CACNA2D3: variants seen among roughly 807,000 people sequenced by gnomAD.
CACNA2D3 encodes the protein calcium voltage-gated channel auxiliary subunit alpha2delta 3.
In CACNA2D3, 60 loss-of-function variants were observed where a neutral mutation model predicts 160.6. That is an observed-to-expected ratio of 0.37 (90% CI 0.30 to 0.46). CACNA2D3 has a LOEUF of 0.46. Among genes scored for constraint, CACNA2D3 ranks in the 20% least tolerant of loss-of-function variants. The pLI is 1.00. For missense variants in CACNA2D3, 1,205 were observed against 1,365.0 expected, an observed-to-expected ratio of 0.88 and a Z score of 1.85; for synonymous variants, 558 against 492.9, an observed-to-expected ratio of 1.13 and a Z score of -1.75.
chr3:54,859,590 A>G lies in CACNA2D3; in HGVS notation c.1627-11949A>G, dbSNP rs527946347. On this transcript the variant is annotated intron_variant, in intron 17 of 37. Transcript: ENST00000474759. ...CCTGCCCCAGTGGCCCCCTCCCTCC[A>G]TTATGTAGCATGATAGGATTGTCCC... is the stretch of plus-strand genomic sequence containing the variant. 7.4e-4 allele frequency among the ~76,000 whole-genome samples: 112 copies of G among 152,156 alleles called. 1 individual carries two copies. Among genetic ancestry groups the G allele is most frequent in the Admixed American group, 3.7e-3 (57 of 15,292 alleles).
intron 2 of CACNA2D3, among the ~76,000 whole-genome samples, chr3:54,301,706 A>C (rs549910179): frequency 6.6e-6 from 1 of 152,140 alleles, no homozygotes; most frequent in East Asian, 1.9e-4. Context: ...TACCCCATGA[A>C]ACACAGCAGG....
At chr3:54,820,172 G>A (rs185347406) in intron 14 of CACNA2D3, among the ~76,000 whole-genome samples, 55 of 152,202 alleles carry the variant, frequency 3.6e-4, no homozygotes, top group Admixed American at 1.8e-3. Context: ...CTGCATTTGC[G>A]CTGTGTTTTT....
At chr3:54,484,015 T>TAG (rs778149202) in intron 4 of CACNA2D3, among the ~76,000 whole-genome samples, 19 of 152,194 alleles carry the variant, frequency 1.2e-4, no homozygotes, top group Non-Finnish European at 2.4e-4. Flanking sequence ...TGTCACCTCC[T>TAG]AGCTGTAGGA....
At chr3:55,050,775 C>A (rs1575452362) in intron 35 of CACNA2D3, among the ~76,000 whole-genome samples, 1 of 130,330 alleles carries the variant, frequency 7.7e-6, no homozygotes, top group South Asian at 2.4e-4. Context: ...TCACATAGTC[C>A]CATATTTCTT....
intron 27 of CACNA2D3, among the ~76,000 whole-genome samples, chr3:54,936,854 T>G (rs1701340964): frequency 6.6e-6 from 1 of 152,172 alleles, no homozygotes; most frequent in African/African-American, 2.4e-5. Flanking sequence ...CTCCTTCATG[T>G]GTTGTCAACA....
intron 4 of CACNA2D3, among the ~76,000 whole-genome samples, chr3:54,440,897 T>G (rs1238026981): frequency 6.6e-6 from 1 of 152,244 alleles, no homozygotes; most frequent in Admixed American, 6.5e-5. Context: ...TGTTGGACAT[T>G]TGGCTTGGTT....
At chr3:54,489,929 A>T (rs745464281) in intron 4 of CACNA2D3, among the ~76,000 whole-genome samples, 1 of 152,118 alleles carries the variant, frequency 6.6e-6, no homozygotes, top group African/African-American at 2.4e-5. Context: ...TTTTTCACAT[A>T]TGAGGAGAAA....
intron 13 of CACNA2D3, among the ~76,000 whole-genome samples, chr3:54,784,862 A>G (rs552604687): frequency 6.6e-6 from 1 of 152,324 alleles, no homozygotes; most frequent in South Asian, 2.1e-4. Flanking sequence ...GCTCTGCTAT[A>G]GTGAAAACCT....
At chr3:54,667,268 G>A (rs1700084290) in intron 11 of CACNA2D3, among the ~76,000 whole-genome samples, 1 of 152,076 alleles carries the variant, frequency 6.6e-6, no homozygotes, top group Admixed American at 6.6e-5. Flanking sequence ...AGGACCTCAG[G>A]ATTAGAAGAA....
chr3:55,027,735 T>A (rs927651330), intron 35 of CACNA2D3, among the ~76,000 whole-genome samples: 3 of 152,322 alleles, frequency 2.0e-5, no homozygotes, highest in Middle Eastern at 3.4e-3. Flanking sequence ...AATTATAGTA[T>A]TTCAGAAATT....
chr3:54,251,741 ATGT>A (rs2107424885), intron 2 of CACNA2D3, among the ~76,000 whole-genome samples: 1 of 152,356 alleles, frequency 6.6e-6, no homozygotes, highest in South Asian at 2.1e-4. Flanking sequence ...ATCTAAATAA[ATGT>A]TGTTACCTTG....
At chr3:55,068,149 GCC>G (rs1704712164) in intron 35 of CACNA2D3, among the ~76,000 whole-genome samples, 1 of 152,228 alleles carries the variant, frequency 6.6e-6, no homozygotes, top group South Asian at 2.1e-4. Context: ...GGTGCCTGCA[GCC>G]AGCACACACT....
intron 4 of CACNA2D3, among the ~76,000 whole-genome samples, chr3:54,463,780 C>T (rs1363619665): frequency 5.9e-5 from 9 of 152,246 alleles, no homozygotes; most frequent in Non-Finnish European, 1.2e-4. Context: ...TCTTCAAAGT[C>T]ATTCTCCATC....
At chr3:54,427,040 C>A (rs1197083014) in intron 4 of CACNA2D3, among the ~76,000 whole-genome samples, 1 of 151,990 alleles carries the variant, frequency 6.6e-6, no homozygotes, top group Non-Finnish European at 1.5e-5. Context: ...CTCTTCTACC[C>A]ACCATTCTTT....
At chr3:54,300,562 C>T (rs1371142038) in intron 2 of CACNA2D3, among the ~76,000 whole-genome samples, 6 of 152,224 alleles carry the variant, frequency 3.9e-5, no homozygotes, top group African/African-American at 1.4e-4. Flanking sequence ...TCATTCATGC[C>T]TTTTCTCCCT....
chr3:55,073,351 A>G lies in CACNA2D3; in HGVS notation c.2988-94A>G. ...GTCTCCAAAATTTGCTTTACAAAAT[A>G]TGGTAGTTGCTACCACCCAGGAGAG... On this transcript the variant is annotated intron_variant, in intron 35 of 37. Transcript: ENST00000474759. 7 of 724,974 alleles carry G rather than the reference A, an allele frequency of 9.7e-6. No individual in the cohort carries two copies. The South Asian group carries it at 1.0e-4, about 11-fold the overall frequency. 44.9% of individuals were successfully genotyped at this position (724,974 alleles called of 1,614,324 possible).
chr3:54,741,257 C>T (rs1425014701), intron 11 of CACNA2D3, among the ~76,000 whole-genome samples: 4 of 152,182 alleles, frequency 2.6e-5, no homozygotes, highest in Non-Finnish European at 5.9e-5. Flanking sequence ...TTCCCTGTTT[C>T]TCTGTTCTAT....
At chr3:54,515,195 T>TGAGA (rs1289904834) in intron 5 of CACNA2D3, among the ~76,000 whole-genome samples, 2 of 142,692 alleles carry the variant, frequency 1.4e-5, no homozygotes, top group African/African-American at 5.5e-5. Context: ...TGTGTGTGTG[T>TGAGA]GTGTGAGAGA....
intron 11 of CACNA2D3, among the ~76,000 whole-genome samples, chr3:54,660,488 A>AAATC (rs373228481): frequency 3.9e-5 from 6 of 152,144 alleles, no homozygotes; most frequent in African/African-American, 1.4e-4. Context: ...ATTGGTAGAG[A>AAATC]AATCACCTTT....
Sources: allele counts gnomAD v4.1 joint callset (sites outside exome capture counted in the v4.1 genomes callset), GRCh38; gene constraint gnomAD v4.1.1; transcripts MANE v1.5; gene names NCBI Gene and HGNC (gene_info 2026-07-23, HGNC 2026-07-21).